The following NBPF12 variants were observed in gnomAD, a reference collection of about 807,000 sequenced individuals.
NBPF12 encodes the protein NBPF member 12, also known as NBPF family member NBPF12.
In NBPF12, 115 loss-of-function variants were observed where a neutral mutation model predicts 146.4. The ratio of observed to expected loss-of-function variants is 0.79; its 90% CI spans 0.68 to 0.92. The LOEUF (loss-of-function observed/expected upper bound fraction) is 0.92. Ranked by LOEUF, NBPF12 falls within the 40% of genes least tolerant of loss-of-function variation. NBPF12 has a pLI of 0.00. For missense variants in NBPF12, 1,205 were observed against 1,326.8 expected (o/e 0.91, Z 1.43); for synonymous variants, 385 against 508.9 (o/e 0.76, Z 3.28).
At chr1:146,943,269 A>G (rs1654885958) in intron 1 of NBPF12, 22 bp from the exon 2 acceptor site, 1 of 200,612 alleles carries the variant, frequency 5.0e-6, no homozygotes, top group Non-Finnish European at 1.0e-5. Flanking sequence ...GTTAACCTTG[A>G]TTTCTCTCTT....
intron 11 of NBPF12, 38 bp downstream of exon 14, chr1:146,969,634 G>A: frequency 6.3e-7 from 1 of 1,593,346 alleles, no homozygotes; most frequent in Non-Finnish European, 8.6e-7. Flanking sequence ...CAAAACCCCA[G>A]GCTTATGAGA....
intron 21 of NBPF12, among the ~76,000 whole-genome samples, chr1:146,984,574 A>G (rs1232653907): frequency 2.3e-5 from 3 of 130,024 alleles, no homozygotes; most frequent in Admixed American, 7.6e-5. Flanking sequence ...GACTGAGCTC[A>G]CACTGTGTGT....
chr1:146,971,025 G>A (rs1371305751), intron 12 of NBPF12, among the ~76,000 whole-genome samples, 158 bp from the exon 16 acceptor site: 1 of 151,394 alleles, frequency 6.6e-6, no homozygotes, highest in East Asian at 1.9e-4. Flanking sequence ...CTCTGTTGCA[G>A]AGAGAAGAGG....
chr1:146,992,460 C>CTGTGTG (rs1553889578), intron 31 of NBPF12, among the ~76,000 whole-genome samples: 6 of 88,878 alleles, frequency 6.8e-5, no homozygotes, highest in African/African-American at 2.1e-4. Context: ...CTCTCTCTCT[C>CTGTGTG]TCTGTGTGTG....
At chr1:146,969,171 C>G (rs1195329873) in intron 10 of NBPF12, among the ~76,000 whole-genome samples, 2 of 151,400 alleles carry the variant, frequency 1.3e-5, no homozygotes, top group East Asian at 1.9e-4. Context: ...GGAACATCAT[C>G]GAGGATCTTG....
chr1:146,982,382 T>C (rs1314434777), intron 19 of NBPF12, among the ~76,000 whole-genome samples: 1,509 of 150,438 alleles, frequency 0.01, 28 homozygotes, highest in African/African-American at 0.036. Flanking sequence ...TTCTTGGTGT[T>C]GCCTATTCTC....
At chr1:146,984,518 A>G (rs1292340020) in intron 21 of NBPF12, among the ~76,000 whole-genome samples, 1 of 150,086 alleles carries the variant, frequency 6.7e-6, no homozygotes, top group African/African-American at 2.5e-5. Context: ...GAGCACAAAT[A>G]CAGAGTGTCC....
At chr1:146,953,778 A>T (rs2101828957) in intron 2 of NBPF12, among the ~76,000 whole-genome samples, 1 of 146,966 alleles carries the variant, frequency 6.8e-6, no homozygotes, top group South Asian at 2.3e-4. Context: ...CAGAGAAAAA[A>T]GTAGAATACC....
At chr1:146,951,622 GAT>G in intron 2 of NBPF12, 133 bp downstream of exon 5, 1 of 502,128 alleles carries the variant, frequency 2.0e-6, no homozygotes, top group East Asian at 3.5e-5. Context: ...CACTTTAAAT[GAT>G]GATGTCCCTT....
At chr1:146,970,882 T>A (rs1275318678) in intron 12 of NBPF12, among the ~76,000 whole-genome samples, 163 bp downstream of exon 15, 1 of 151,462 alleles carries the variant, frequency 6.6e-6, no homozygotes, top group Non-Finnish European at 1.5e-5. Flanking sequence ...AGCTGTCGTG[T>A]TTCTGTATGT....
intron 11 of NBPF12, 80 bp from the exon 15 acceptor site, chr1:146,970,567 A>C: frequency 6.5e-7 from 1 of 1,533,056 alleles, no homozygotes; most frequent in South Asian, 1.1e-5. Context: ...ATAGATGTTC[A>C]TGTCTCTGTG....
chr1:146,966,345 G>C (rs1656206874), intron 8 of NBPF12, 119 bp from the exon 12 acceptor site: 2 of 927,276 alleles, frequency 2.2e-6, no homozygotes, highest in Non-Finnish European at 3.6e-6. Flanking sequence ...AGTGAAACCA[G>C]GGAAACATCA....
At chr1:146,965,559 G>C (rs1479162467) in intron 8 of NBPF12, among the ~76,000 whole-genome samples, 2 of 149,748 alleles carry the variant, frequency 1.3e-5, no homozygotes, top group Non-Finnish European at 3.0e-5. Context: ...GAGGCGGGTG[G>C]ATCACGAGGT....
In NBPF12 at chr1:146,965,653, G is replaced by A. The variant is rs1308471225; in HGVS notation, c.778+549G>A. Among the ~76,000 whole-genome samples the A allele has an allele frequency of 6.2e-4, 92 of 149,492 alleles. 3 individuals are homozygous for A. The East Asian group carries it at 0.016, about 25-fold the overall frequency. ...AAAAAAAAAAAAAAATTAGCTGGGC[G>A]CGGTGGTGGGCACCTGTAGTCCCAG... On this transcript the variant is annotated intron_variant, in intron 8 of 33. Coordinates refer to ENST00000617844, the Ensembl canonical transcript of NBPF12.
At chr1:146,992,410 C>T (rs1163674290) in intron 31 of NBPF12, among the ~76,000 whole-genome samples, 3 of 140,118 alleles carry the variant, frequency 2.1e-5, no homozygotes, top group Admixed American at 7.4e-5. Context: ...ATCAGTGTGT[C>T]ACCTGGACAA....
upstream of NBPF12, among the ~76,000 whole-genome samples, chr1:146,938,391 C>T (rs1393679295): frequency 6.6e-6 from 1 of 152,098 alleles, no homozygotes; most frequent in East Asian, 1.9e-4. Flanking sequence ...TCGCTCCAGG[C>T]TTCCGAGGGG....
At chr1:146,965,862 C>T (rs1656169095) in intron 8 of NBPF12, among the ~76,000 whole-genome samples, 1 of 141,110 alleles carries the variant, frequency 7.1e-6, no homozygotes, top group African/African-American at 2.7e-5. Context: ...AATCCCAGCA[C>T]TTTGAGAGGC....
chr1:146,948,542 G>A (rs1387215118), upstream of NBPF12, among the ~76,000 whole-genome samples: 2 of 151,806 alleles, frequency 1.3e-5, no homozygotes, highest in African/African-American at 4.9e-5. Context: ...ATGCTTGAAG[G>A]CAGCATGCTT....
In NBPF12 at chr1:146,963,269, G is replaced by C. The variant is rs1210189364; in HGVS notation, c.453G>C (p.Gly151=). The C allele has an allele frequency of 3.0e-5, 48 of 1,611,982 alleles. 1 individual carries two copies. The South Asian group carries it at 4.8e-4, about 16-fold the overall frequency. ...ACCTCCAAGAACAGCTGGCTGAGGG[G>C]TGTAGACTGGCACAGCAACTTGTCC... is the stretch of plus-strand genomic sequence containing the variant. Residue 151 remains glycine (G), a synonymous_variant, in exon 6 of 34, where the codon GGG becomes GGC. Coordinates refer to ENST00000617844, the Ensembl canonical transcript of NBPF12.
Sources: gnomAD v4.1 joint callset for allele counts (sites outside exome capture counted in the v4.1 genomes callset) on GRCh38, gnomAD v4.1.1 for gene constraint, MANE v1.5 for transcripts, NCBI Gene and HGNC (gene_info 2026-07-23, HGNC 2026-07-21) for gene names.